PTPRS: variants seen among roughly 807,000 people sequenced by gnomAD.
The protein encoded by PTPRS is protein tyrosine phosphatase receptor type S.
Under a neutral mutation model 215.3 loss-of-function variants are expected in PTPRS, and 63 were observed. The ratio of observed to expected loss-of-function variants is 0.29; its 90% CI spans 0.24 to 0.36. PTPRS has a LOEUF of 0.36. Ranked by LOEUF, PTPRS falls within the 10% of genes least tolerant of loss-of-function variation. The probability of loss-of-function intolerance (pLI) is 1.00; values close to 1 mark genes in which losing one functional copy is unlikely to be tolerated. For missense variants in PTPRS, 2,258 were observed against 2,825.8 expected, an observed-to-expected ratio of 0.80 and a Z score of 4.56; for synonymous variants, 1,404 against 1,191.4, an observed-to-expected ratio of 1.18 and a Z score of -3.68.
In PTPRS at chr19:5,225,849, A is replaced by AGGCACGGCTGGGGGTC; in HGVS notation, c.2377-21_2377-6dup. The AGGCACGGCTGGGGGTC allele has an allele frequency of 6.2e-7, 1 of 1,612,250 alleles. No individual in the cohort carries two copies. The highest frequency in any genetic ancestry group is 8.5e-7 in the Non-Finnish European group (1 of 1,178,502). On this transcript the variant is annotated splice_polypyrimidine_tract_variant and splice_region_variant and intron_variant, in intron 16 of 37. Transcript: ENST00000262963. ...CAAGTTTGTGATGACCATCTCCTGC[A>AGGCACGGCTGGGGGTC]GGCACGGCTGGGGGTCAGCACGACG...
At chr19:5,298,086 G>A (rs565199243) in intron 1 of PTPRS, among the ~76,000 whole-genome samples, 19 of 152,202 alleles carry the variant, frequency 1.2e-4, no homozygotes, top group African/African-American at 4.1e-4. Flanking sequence ...GAGCCACAGC[G>A]CCCGGCCTCC....
At chr19:5,283,030 C>T (rs139594727) in intron 2 of PTPRS, among the ~76,000 whole-genome samples, 1 of 152,312 alleles carries the variant, frequency 6.6e-6, no homozygotes, top group Admixed American at 6.5e-5. Flanking sequence ...AAAGGGAACC[C>T]AGCCCTCTCT....
At chr19:5,266,434 G>C (rs193229840) in intron 4 of PTPRS, among the ~76,000 whole-genome samples, 22 of 152,072 alleles carry the variant, frequency 1.4e-4, no homozygotes, top group African/African-American at 4.3e-4. Flanking sequence ...CTGGCCCAGA[G>C]GACACCGTTT....
chr19:5,313,854 T>C (rs2147170253), intron 1 of PTPRS, among the ~76,000 whole-genome samples: 2 of 152,162 alleles, frequency 1.3e-5, no homozygotes, highest in Non-Finnish European at 2.9e-5. Flanking sequence ...CCCAGCATTT[T>C]GGGAGCCTGA....
intron 10 of PTPRS, 124 bp downstream of exon 10, chr19:5,245,652 C>A: frequency 7.3e-7 from 1 of 1,374,120 alleles, no homozygotes; most frequent in Non-Finnish European, 9.6e-7. Flanking sequence ...CCTTCCTAGC[C>A]ATGAATGACT....
At chr19:5,306,030 G>A (rs1420436013) in intron 1 of PTPRS, among the ~76,000 whole-genome samples, 2 of 146,124 alleles carry the variant, frequency 1.4e-5, no homozygotes, top group Non-Finnish European at 3.0e-5. Flanking sequence ...ACAAATACTT[G>A]AGGAAGGGAG....
At chr19:5,301,009 A>G (rs1349265262) in intron 1 of PTPRS, among the ~76,000 whole-genome samples, 6 of 152,166 alleles carry the variant, frequency 3.9e-5, no homozygotes, top group Non-Finnish European at 7.4e-5. Context: ...CTACATTTCC[A>G]ACATAGTGAC....
At chr19:5,213,249 C>A (rs1188892028) in intron 30 of PTPRS, among the ~76,000 whole-genome samples, 1 of 152,202 alleles carries the variant, frequency 6.6e-6, no homozygotes, top group Non-Finnish European at 1.5e-5. Flanking sequence ...CTGCAGCAGC[C>A]AGAGGGCACC....
At chr19:5,239,175 G>C in intron 12 of PTPRS, 112 bp from the exon 13 acceptor site, 1 of 719,970 alleles carries the variant, frequency 1.4e-6, no homozygotes, top group Non-Finnish European at 2.3e-6. Flanking sequence ...GAGAGAGAGA[G>C]AGAGAGAGAG....
intron 20 of PTPRS, 35 bp from the exon 21 acceptor site, chr19:5,220,388 C>G: frequency 6.4e-7 from 1 of 1,557,518 alleles, no homozygotes; most frequent in Non-Finnish European, 8.8e-7. Context: ...GAGGGGCTGT[C>G]GATAGGGATG....
At chr19:5,267,919 C>T (rs1213885296) in intron 4 of PTPRS, among the ~76,000 whole-genome samples, 2 of 152,044 alleles carry the variant, frequency 1.3e-5, no homozygotes, top group Non-Finnish European at 2.9e-5. Context: ...CCTATAATCC[C>T]AGCACTTTGA....
chr19:5,336,015 A>AG (rs749088097), intron 1 of PTPRS, among the ~76,000 whole-genome samples: 1 of 144,732 alleles, frequency 6.9e-6, no homozygotes, highest in Admixed American at 6.8e-5. Context: ...GAGGAGGAGG[A>AG]GGAAAAAAAA....
chr19:5,273,275 G>T, intron 4 of PTPRS, 167 bp downstream of exon 4: 1 of 835,340 alleles, frequency 1.2e-6, no homozygotes, highest in Non-Finnish European at 1.9e-6. Context: ...ATCCCCACCA[G>T]TAGGCGCTGG....
chr19:5,219,155 G>T, intron 23 of PTPRS, 155 bp downstream of exon 23: 1 of 1,018,868 alleles, frequency 9.8e-7, no homozygotes, highest in Non-Finnish European at 1.4e-6. Context: ...CCCATGCTGT[G>T]TGACCTTGAT....
At chr19:5,212,947 C>A (rs73919777) in intron 30 of PTPRS, among the ~76,000 whole-genome samples, 6,348 of 152,060 alleles carry the variant, frequency 0.042, 465 homozygotes, top group African/African-American at 0.15. Flanking sequence ...GTCTTGCGGA[C>A]GCCTCACACA....
At position 5,269,992 on chromosome 19, in the gene PTPRS, G is replaced by A. The variant is rs573450708; in HGVS notation, c.379+3450C>T. On this transcript the variant is annotated intron_variant, in intron 4 of 37. Transcript: ENST00000262963. ...TTTTTTTCCCAGACTCCGGGGGACC[G>A]GGCAGTTGATGGCTTCACAGCTTGT... Among the ~76,000 whole-genome samples, 212 of 151,388 alleles carry A rather than the reference G, an allele frequency of 1.4e-3. 1 individual carries two copies. Among genetic ancestry groups the A allele is most frequent in the African/African-American group, 4.5e-3 (185 of 41,248 alleles).
intron 9 of PTPRS, among the ~76,000 whole-genome samples, chr19:5,253,098 A>T (rs1311437786): frequency 6.6e-6 from 1 of 152,186 alleles, no homozygotes; most frequent in Non-Finnish European, 1.5e-5. Context: ...AGAAAAGAAC[A>T]TTCATAGTCA....
chr19:5,211,532 T>G lies in PTPRS; in HGVS notation c.5234+58A>C, dbSNP rs111588397. 36 of 1,546,344 alleles carry G rather than the reference T, an allele frequency of 2.3e-5. No homozygotes were observed. In the African/African-American group the frequency reaches 4.1e-4, roughly 18 times the overall value. The stretch of plus-strand genomic sequence containing the variant: ...TGTCTCCCACAAGACTGGAGGCCTC[T>G]TGAGAGTAGAGATGGGCTCCTTCTG... On this transcript the variant is annotated intron_variant, in intron 33 of 37. Coordinates refer to ENST00000262963, the MANE Select transcript of PTPRS (RefSeq NM_002850.4).
At chr19:5,334,099 C>CT (rs1162849699) in intron 1 of PTPRS, among the ~76,000 whole-genome samples, 1 of 152,192 alleles carries the variant, frequency 6.6e-6, no homozygotes, top group East Asian at 1.9e-4. Flanking sequence ...TCCAGGCCCC[C>CT]TGTGGTTCAG....
Sources: allele counts gnomAD v4.1 joint callset (sites outside exome capture counted in the v4.1 genomes callset), GRCh38; gene constraint gnomAD v4.1.1; transcripts MANE v1.5; gene names NCBI Gene and HGNC (gene_info 2026-07-23, HGNC 2026-07-21).